The following RIPOR2 variants were observed in gnomAD, a reference collection of about 807,000 sequenced individuals.
The protein encoded by RIPOR2 is RHO family interacting cell polarization regulator 2, also known as rho family-interacting cell polarization regulator 2.
A neutral mutation model predicts 114.5 loss-of-function variants in RIPOR2; 39 were observed. The ratio of observed to expected loss-of-function variants is 0.34; its 90% CI spans 0.26 to 0.44. The LOEUF is 0.44. Among genes scored for constraint, RIPOR2 ranks in the 20% least tolerant of loss-of-function variants. The pLI is 1.00. For missense variants in RIPOR2, 1,007 were observed against 1,255.1 expected, an observed-to-expected ratio of 0.80 and a Z score of 2.99; for synonymous variants, 445 against 484.4, an observed-to-expected ratio of 0.92 and a Z score of 1.07.
intron 1 of RIPOR2, chr6:25,024,209 G>T: frequency 1.3e-6 from 2 of 1,485,160 alleles, no homozygotes; most frequent in Admixed American, 1.7e-5. Flanking sequence ...TGGCGAGAAA[G>T]GTGCCCAGGA....
At chr6:25,024,910 A>G (rs1017408161) in intron 1 of RIPOR2, among the ~76,000 whole-genome samples, 2 of 152,044 alleles carry the variant, frequency 1.3e-5, no homozygotes, top group African/African-American at 4.8e-5. Flanking sequence ...TTGGAAAGCT[A>G]TTTTCTCTGT....
At chr6:24,870,177 T>A (rs2113871297) in intron 5 of RIPOR2, among the ~76,000 whole-genome samples, 1 of 152,342 alleles carries the variant, frequency 6.6e-6, no homozygotes, top group South Asian at 2.1e-4. Context: ...TGGAATCCTT[T>A]TTTTCTCTTC....
chr6:25,008,284 G>A (rs879521074), intron 1 of RIPOR2, among the ~76,000 whole-genome samples: 1 of 152,098 alleles, frequency 6.6e-6, no homozygotes, highest in Non-Finnish European at 1.5e-5. Flanking sequence ...CCAAAGTGCT[G>A]GGATTACAGG....
intron 7 of RIPOR2, among the ~76,000 whole-genome samples, chr6:24,861,963 A>G (rs2113834409): frequency 6.6e-6 from 1 of 152,338 alleles, no homozygotes; most frequent in South Asian, 2.1e-4. Context: ...TGCTCAAGTG[A>G]GTAAGGCAGA....
chr6:24,901,934 A>C (rs778665653), intron 1 of RIPOR2, among the ~76,000 whole-genome samples: 3 of 152,232 alleles, frequency 2.0e-5, no homozygotes, highest in East Asian at 3.8e-4. Flanking sequence ...TGGTTGTAAA[A>C]GTTGTTCAAA....
At chr6:24,990,100 A>G (rs1429218975) in intron 1 of RIPOR2, among the ~76,000 whole-genome samples, 1 of 152,222 alleles carries the variant, frequency 6.6e-6, no homozygotes, top group Non-Finnish European at 1.5e-5. Context: ...AAATGCAACA[A>G]AACATACTAT....
intron 1 of RIPOR2, among the ~76,000 whole-genome samples, chr6:24,926,963 TACCACCACC>T (rs112559389): frequency 1.9e-5 from 2 of 105,116 alleles, no homozygotes; most frequent in Admixed American, 9.1e-5. Context: ...ATCATCTCAC[TACCACCACC>T]ACCACCACCA....
At chr6:24,825,167 A>G in intron 19 of RIPOR2, 59 bp downstream of exon 19, 1 of 1,174,644 alleles carries the variant, frequency 8.5e-7, no homozygotes, top group Non-Finnish European at 1.2e-6. Context: ...AAATATTAGT[A>G]GTAAATGATA....
chr6:25,019,335 A>G (rs901697182), intron 1 of RIPOR2, among the ~76,000 whole-genome samples: 3 of 152,280 alleles, frequency 2.0e-5, no homozygotes, highest in Non-Finnish European at 4.4e-5. Context: ...AAGGCGATTT[A>G]GCAATATGTA....
chr6:25,002,785 G>A (rs767377259), intron 1 of RIPOR2, among the ~76,000 whole-genome samples: 3 of 152,236 alleles, frequency 2.0e-5, no homozygotes, highest in Admixed American at 1.3e-4. Flanking sequence ...GGCAGCCACA[G>A]GAAAGTGGCA....
At chr6:24,937,243 C>T (rs1389616037), upstream of RIPOR2, among the ~76,000 whole-genome samples, 1 of 152,140 alleles carries the variant, frequency 6.6e-6, no homozygotes, top group African/African-American at 2.4e-5. Context: ...TAGAGGAGAG[C>T]TTGGAAATGT....
At chr6:24,979,098 A>T (rs913708021) in intron 1 of RIPOR2, among the ~76,000 whole-genome samples, 1 of 151,958 alleles carries the variant, frequency 6.6e-6, no homozygotes, top group African/African-American at 2.4e-5. Flanking sequence ...GCCTCTCAAC[A>T]TTTTCTATCA....
chr6:24,895,958 T>C (rs2817720), intron 1 of RIPOR2, among the ~76,000 whole-genome samples: 66,973 of 152,056 alleles, frequency 0.44, 15,277 homozygotes, highest in African/African-American at 0.53. Context: ...ACCACTGCAC[T>C]CCAGCCTGGG....
At chr6:24,949,520 G>A (rs879607223) in intron 1 of RIPOR2, among the ~76,000 whole-genome samples, 20 of 152,194 alleles carry the variant, frequency 1.3e-4, no homozygotes, top group East Asian at 3.8e-4. Flanking sequence ...GTCAGGTTTC[G>A]TGAAATAGGT....
chr6:24,872,802 T>A, intron 4 of RIPOR2, 79 bp downstream of exon 4: 3 of 933,408 alleles, frequency 3.2e-6, no homozygotes, highest in Admixed American at 3.7e-5. Context: ...CAAACATTCC[T>A]CCCCAGCCCC....
At chr6:25,028,129 T>C (rs1230416095) in intron 1 of RIPOR2, among the ~76,000 whole-genome samples, 2 of 152,216 alleles carry the variant, frequency 1.3e-5, no homozygotes, top group Admixed American at 6.5e-5. Flanking sequence ...TTTCCTTCAC[T>C]GTATTCTCAG....
intron 1 of RIPOR2, among the ~76,000 whole-genome samples, chr6:24,994,717 C>T (rs1441940913): frequency 6.6e-6 from 1 of 151,992 alleles, no homozygotes; most frequent in Non-Finnish European, 1.5e-5. Flanking sequence ...AACAATGTTC[C>T]CTGGCTCCCT....
chr6:24,893,937 T>C (rs1407501143), intron 1 of RIPOR2, among the ~76,000 whole-genome samples: 1 of 152,158 alleles, frequency 6.6e-6, no homozygotes, highest in Non-Finnish European at 1.5e-5. Flanking sequence ...TTGAACTGGA[T>C]CACATCAGCC....
intron 1 of RIPOR2, among the ~76,000 whole-genome samples, chr6:25,006,248 CGTTTATTCATTT>C (rs1775559103): frequency 6.6e-6 from 1 of 152,168 alleles, no homozygotes; most frequent in African/African-American, 2.4e-5. Flanking sequence ...TTCATTCATT[CGTTTATTCATTT>C]GTTCAATAAA....
Sources: gnomAD v4.1 joint callset for allele counts (sites outside exome capture counted in the v4.1 genomes callset) on GRCh38, gnomAD v4.1.1 for gene constraint, MANE v1.5 for transcripts, NCBI Gene and HGNC (gene_info 2026-07-23, HGNC 2026-07-21) for gene names.